Variants in NCKAP5 observed in about 807,000 individuals in gnomAD.
NCKAP5 encodes nck-associated protein 5.
A neutral mutation model predicts 167.0 loss-of-function variants in NCKAP5; 92 were observed. That is an observed-to-expected ratio of 0.55 (90% CI 0.47 to 0.66). NCKAP5 has a LOEUF of 0.66. NCKAP5 is among the 30% of genes least tolerant of loss of function. The probability of loss-of-function intolerance (pLI) is 0.00; values close to 1 mark genes in which losing one functional copy is unlikely to be tolerated. For missense variants in NCKAP5, 2,378 were observed against 2,315.0 expected, an observed-to-expected ratio of 1.03 and a Z score of -0.56; for synonymous variants, 891 against 877.4, an observed-to-expected ratio of 1.02 and a Z score of -0.27.
At chr2:133,124,203 A>C (rs1574099900) in intron 6 of NCKAP5, among the ~76,000 whole-genome samples, 1 of 152,158 alleles carries the variant, frequency 6.6e-6, no homozygotes, top group South Asian at 2.1e-4. Flanking sequence ...AGGGAGTGAA[A>C]GCTTGAGTTC....
intron 11 of NCKAP5, among the ~76,000 whole-genome samples, chr2:132,797,603 G>T (rs1195679877): frequency 6.6e-6 from 1 of 152,194 alleles, no homozygotes; most frequent in Non-Finnish European, 1.5e-5. Context: ...AAATAATGCA[G>T]CTAAGCGTGC....
At chr2:132,896,946 A>AT (rs1383973320) in intron 8 of NCKAP5, among the ~76,000 whole-genome samples, 2 of 152,144 alleles carry the variant, frequency 1.3e-5, no homozygotes, top group African/African-American at 2.4e-5. Flanking sequence ...TCTTAGCTTT[A>AT]TTTTTTTCCC....
intron 4 of NCKAP5, among the ~76,000 whole-genome samples, chr2:133,251,788 G>C (rs1335368185): frequency 6.6e-6 from 1 of 152,168 alleles, no homozygotes; most frequent in African/African-American, 2.4e-5. Flanking sequence ...TGTATAGACT[G>C]TAAAGAAACA....
At chr2:132,956,076 A>G (rs2076334084) in intron 8 of NCKAP5, among the ~76,000 whole-genome samples, 1 of 152,192 alleles carries the variant, frequency 6.6e-6, no homozygotes, top group Non-Finnish European at 1.5e-5. Flanking sequence ...CAAAATTGCT[A>G]AGAGTCCATT....
chr2:132,717,152 A>G (rs1227526131), intron 19 of NCKAP5, among the ~76,000 whole-genome samples: 1 of 152,140 alleles, frequency 6.6e-6, no homozygotes, highest in Non-Finnish European at 1.5e-5. Flanking sequence ...TTCATTTGTC[A>G]TCCAGGAAAG....
chr2:133,132,763 G>A (rs1199440178), intron 5 of NCKAP5, among the ~76,000 whole-genome samples: 4 of 148,436 alleles, frequency 2.7e-5, no homozygotes, highest in Admixed American at 6.8e-5. Flanking sequence ...TGCAAGCTCC[G>A]CCTCCCAGGT....
chr2:133,523,813 T>C (rs1004932502), intron 2 of NCKAP5, among the ~76,000 whole-genome samples: 3 of 151,976 alleles, frequency 2.0e-5, no homozygotes, highest in African/African-American at 7.3e-5. Context: ...AACTGCAGAG[T>C]AGAGCACATC....
chr2:132,832,945 T>G (rs1311796364), intron 11 of NCKAP5, among the ~76,000 whole-genome samples: 3 of 152,058 alleles, frequency 2.0e-5, no homozygotes, highest in Non-Finnish European at 4.4e-5. Context: ...GTTTTTAGAG[T>G]GATCTCCATT....
chr2:132,885,866 G>C (rs930245580), intron 8 of NCKAP5, among the ~76,000 whole-genome samples: 3 of 152,184 alleles, frequency 2.0e-5, no homozygotes, highest in African/African-American at 7.2e-5. Flanking sequence ...TAGACTACTA[G>C]CTCTACACAA....
At chr2:133,207,893 A>G (rs1328786493) in intron 5 of NCKAP5, among the ~76,000 whole-genome samples, 5 of 152,206 alleles carry the variant, frequency 3.3e-5, no homozygotes, top group Non-Finnish European at 7.3e-5. Flanking sequence ...GAAGTGGAGC[A>G]TATTTCCCAT....
At chr2:133,330,080 T>C (rs1481768831) in intron 3 of NCKAP5, among the ~76,000 whole-genome samples, 1 of 135,844 alleles carries the variant, frequency 7.4e-6, no homozygotes, top group African/African-American at 3.0e-5. Context: ...TTTTTTTTTT[T>C]TTCTGAGACA....
chr2:133,054,398 C>T (rs1296022535), intron 6 of NCKAP5, among the ~76,000 whole-genome samples: 1 of 152,190 alleles, frequency 6.6e-6, no homozygotes, highest in African/African-American at 2.4e-5. Context: ...GGGTTTACTG[C>T]TGGCTGAGGT....
chr2:133,503,703 C>T (rs997262562), intron 3 of NCKAP5, among the ~76,000 whole-genome samples: 2 of 152,222 alleles, frequency 1.3e-5, no homozygotes, highest in African/African-American at 4.8e-5. Context: ...AAAGGAGGAA[C>T]CATCTTCCTG....
At chr2:133,344,566 G>T (rs533022651) in intron 3 of NCKAP5, among the ~76,000 whole-genome samples, 2 of 152,040 alleles carry the variant, frequency 1.3e-5, no homozygotes, top group Non-Finnish European at 2.9e-5. Context: ...AGTCAGGAGT[G>T]GTTTGTATTC....
intron 19 of NCKAP5, chr2:132,714,875 C>T (rs577370255): frequency 1.0e-4 from 46 of 455,792 alleles, no homozygotes; most frequent in African/African-American, 9.2e-4. Flanking sequence ...TATGTAAGCT[C>T]CCAGTTATGG....
At chr2:133,541,584 G>T (rs77064892) in intron 2 of NCKAP5, among the ~76,000 whole-genome samples, 6,491 of 152,088 alleles carry the variant, frequency 0.043, 157 homozygotes, top group South Asian at 0.067. Context: ...TGGACTGGAG[G>T]CAAAGAAAGC....
chr2:132,988,588 C>G (rs2077363856), intron 7 of NCKAP5, among the ~76,000 whole-genome samples: 1 of 151,280 alleles, frequency 6.6e-6, no homozygotes, highest in African/African-American at 2.4e-5. Context: ...TTGTCTGAAT[C>G]TGCTGCCACT....
chr2:133,077,121 TAGAC>T (rs1164145078), intron 6 of NCKAP5, among the ~76,000 whole-genome samples: 1 of 152,090 alleles, frequency 6.6e-6, no homozygotes, highest in African/African-American at 2.4e-5. Context: ...TGAAAAAAAA[TAGAC>T]AGCAATGAAT....
chr2:133,129,907 T>C, intron 6 of NCKAP5, 71 bp downstream of exon 6: 1 of 1,452,370 alleles, frequency 6.9e-7, no homozygotes, highest in Non-Finnish European at 9.1e-7. Flanking sequence ...CAATGGACAT[T>C]CAATCCAAGG....
Sources: gnomAD v4.1 joint callset for allele counts (sites outside exome capture counted in the v4.1 genomes callset) on GRCh38, gnomAD v4.1.1 for gene constraint, MANE v1.5 for transcripts, NCBI Gene and HGNC (gene_info 2026-07-23, HGNC 2026-07-21) for gene names.